Variants in STRIP2 observed in about 807,000 individuals in gnomAD.
STRIP2 encodes striatin interacting protein 2.
A neutral mutation model predicts 107.1 loss-of-function variants in STRIP2; 84 were observed. That is an observed-to-expected ratio of 0.78 (90% CI 0.66 to 0.94). The LOEUF is 0.94. Ranked by LOEUF, STRIP2 falls within the 40% of genes least tolerant of loss-of-function variation. The pLI is 0.00. For missense variants in STRIP2, 888 were observed against 1,034.2 expected (o/e 0.86, Z 1.94); for synonymous variants, 394 against 400.4 (o/e 0.98, Z 0.19).
intron 18 of STRIP2, among the ~76,000 whole-genome samples, chr7:129,473,078 C>T (rs1036673562): frequency 3.3e-5 from 5 of 151,856 alleles, no homozygotes; most frequent in East Asian, 3.9e-4. Context: ...TGAGCCACAA[C>T]GAATGGCTAT....
At chr7:129,480,730 G>A in intron 18 of STRIP2, 55 bp from the exon 19 acceptor site, 1 of 1,448,776 alleles carries the variant, frequency 6.9e-7, no homozygotes. Context: ...CCAGGCTTCT[G>A]TGGGAATTAA....
chr7:129,485,763 G>A lies in STRIP2; in HGVS notation c.2439G>A (p.Glu813=), dbSNP rs757746271. 19 of 1,614,126 alleles carry A rather than the reference G, an allele frequency of 1.2e-5. No individual in the cohort carries two copies. In the Admixed American group the frequency reaches 3.0e-4, roughly 25 times the overall value. Residue 813 remains glutamate, a synonymous_variant, in exon 21 of 21, where the codon GAG becomes GAA. Transcript: ENST00000249344. ...CTGAAGATTTCCACTATTCATATGA[G>A]CTCTGGCTCGAGAGAGAGGTGTTTT... is the stretch of plus-strand genomic sequence containing the variant. ...DLPEDFHYSY[E]LWLEREVFSQ...
Position 129,470,708 on chromosome 7 carries a change from A to G in STRIP2, c.1937A>G (p.Glu646Gly). 1.2e-6 allele frequency: 2 copies of G among 1,613,660 alleles called. No homozygotes were observed. The highest frequency in any genetic ancestry group is 1.7e-6 in the Non-Finnish European group (2 of 1,179,594). The change falls in exon 18 of 21, where the codon GAA becomes GGA. Residue 646 changes from glutamate to glycine, a missense_variant. Glu to Gly is a moderately conservative substitution (Grantham distance 98). Coordinates refer to ENST00000249344, the MANE Select transcript of STRIP2 (RefSeq NM_020704.3). ...CAGGATTTGCCGGAGCTTACTACTGAAAGTCTGGTAAGCAGATGGGGATTT... is the reference window on the plus strand; with the variant it reads ...CAGGATTTGCCGGAGCTTACTACTGGAAGTCTGGTAAGCAGATGGGGATTT... Reference protein sequence around the residue: ...TIQDLPELTTESLEAGDNSQF... With the variant: ...TIQDLPELTTGSLEAGDNSQF...
rs529803115 is a variant in STRIP2 at position 129,461,232 on chromosome 7, A to G, written c.1476+860A>G. On this transcript the variant is annotated intron_variant, in intron 13 of 20. Coordinates refer to ENST00000249344, the MANE Select transcript of STRIP2 (RefSeq NM_020704.3). The surrounding 1 kb of genome is among the most constrained non-coding windows in gnomAD (Gnocchi z 4.0). Reference sequence around the variant, plus strand: ...GAATATCAAGAGTTCTGTTTTGGTCATACTAAGTTTTAGATGCCCATTAGA... The same window carrying G: ...GAATATCAAGAGTTCTGTTTTGGTCGTACTAAGTTTTAGATGCCCATTAGA... 6.6e-6 allele frequency among the ~76,000 whole-genome samples: 1 copy of G among 152,340 alleles called. No individual in the cohort carries two copies. The highest frequency in any genetic ancestry group is 2.1e-4 in the South Asian group (1 of 4,830).
At position 129,460,357 on chromosome 7, in the gene STRIP2, G is replaced by C. The variant is rs754883865; in HGVS notation, c.1461G>C (p.Lys487Asn). The part of the protein sequence containing the change: ...VQIKNEEELE[K>N]CPMSLGEEVV... Reference sequence around the variant, plus strand: ...TCAAGAATGAAGAGGAGCTGGAGAAGTGCCCTATGTCTTTGGTGAGCCAAG... The same window carrying C: ...TCAAGAATGAAGAGGAGCTGGAGAACTGCCCTATGTCTTTGGTGAGCCAAG... Residue 487 changes from lysine to asparagine, a missense_variant, in exon 13 of 21, where the codon AAG becomes AAC. Transcript: ENST00000249344. 1.9e-6 allele frequency: 3 copies of C among 1,613,890 alleles called. No homozygotes were observed. Among genetic ancestry groups the C allele is most frequent in the Middle Eastern group, 1.7e-4 (1 of 6,060 alleles).
intron 19 of STRIP2, among the ~76,000 whole-genome samples, chr7:129,481,390 G>A (rs1476513821): frequency 1.3e-5 from 2 of 151,998 alleles, no homozygotes; most frequent in East Asian, 1.9e-4. Flanking sequence ...CCAGCTACTC[G>A]GGAGGCTGAG....
chr7:129,447,607 G>A (rs1798071748), intron 3 of STRIP2, among the ~76,000 whole-genome samples: 1 of 152,234 alleles, frequency 6.6e-6, no homozygotes, highest in Non-Finnish European at 1.5e-5. Flanking sequence ...CTCAAAGCCA[G>A]AGAATAGATA....
intron 3 of STRIP2, among the ~76,000 whole-genome samples, chr7:129,450,709 A>G (rs188677613): frequency 0.01 from 1,553 of 152,286 alleles, 16 homozygotes; most frequent in Non-Finnish European, 0.015. Flanking sequence ...CAGCCTCCCA[A>G]GTAGCTAGGA....
At position 129,467,400 on chromosome 7, in the gene STRIP2, C is replaced by A; in HGVS notation, c.1827C>A (p.Ile609=). The change falls in exon 17 of 21, where the codon ATC becomes ATA. Residue 609 remains isoleucine (I), a synonymous_variant. Coordinates refer to ENST00000249344, the MANE Select transcript of STRIP2 (RefSeq NM_020704.3). The part of the protein sequence containing the change: ...HLVFANCIPL[I]LKFFNQNILS... ...TATTTGCCAACTGCATCCCCTTGAT[C>A]CTGAAGTTCTTCAATCAAAATATCT... 6.2e-7 allele frequency: 1 copy of A among 1,613,730 alleles called. No individual in the cohort carries two copies. Among genetic ancestry groups the A allele is most frequent in the Non-Finnish European group, 8.5e-7 (1 of 1,179,852 alleles).
intron 13 of STRIP2, 28 bp downstream of exon 13, chr7:129,460,400 G>C: frequency 1.9e-6 from 3 of 1,593,210 alleles, no homozygotes; most frequent in Non-Finnish European, 1.7e-6. Flanking sequence ...TACACAGGAG[G>C]AGAGTAGAAG....
At position 129,454,389 on chromosome 7, in the gene STRIP2, G is replaced by A. The variant is rs1192819442; in HGVS notation, c.600-32G>A. On this transcript the variant is annotated intron_variant, in intron 6 of 20. Coordinates refer to ENST00000249344, the MANE Select transcript of STRIP2 (RefSeq NM_020704.3). ...GTGACTATGGGCTGGGAATTGCCTT[G>A]GGAACCTCTTGTGACTCTTCTGTAA... The A allele has an allele frequency of 3.2e-6, 5 of 1,575,764 alleles. No individual in the cohort carries two copies. In the African/African-American group the frequency reaches 6.7e-5, roughly 21 times the overall value.
chr7:129,435,181 G>C (rs945016620), intron 1 of STRIP2, among the ~76,000 whole-genome samples: 1 of 152,228 alleles, frequency 6.6e-6, no homozygotes, highest in Non-Finnish European at 1.5e-5. Context: ...TGTGAGGGCT[G>C]AGCGAGACGG....
rs766612950 is a variant in STRIP2 at position 129,454,458 on chromosome 7, A to G, written c.637A>G (p.Ile213Val). The G allele has an allele frequency of 1.2e-6, 2 of 1,614,132 alleles. No individual in the cohort carries two copies. Among genetic ancestry groups the G allele is most frequent in the South Asian group, 2.2e-5 (2 of 91,080 alleles). ...LSVMYLMVEN[I>V]RLERETDPCG... ...TGTTATGTACCTAATGGTGGAAAAT[A>G]TTCGCCTGGAGCGAGAGACAGACCC... The change falls in exon 7 of 21, where the codon ATT becomes GTT. Residue 213 changes from isoleucine to valine, a missense_variant. Ile to Val is a conservative substitution (Grantham distance 29, BLOSUM62 3). Transcript: ENST00000249344.
chr7:129,484,155 G>A (rs1272219810), intron 20 of STRIP2, among the ~76,000 whole-genome samples: 2 of 152,158 alleles, frequency 1.3e-5, no homozygotes, highest in African/African-American at 4.8e-5. Context: ...TCTTTGTGGT[G>A]TTATCTACTT....
chr7:129,457,280 A>T (rs1458945662), intron 9 of STRIP2, among the ~76,000 whole-genome samples: 1 of 152,236 alleles, frequency 6.6e-6, no homozygotes, highest in Non-Finnish European at 1.5e-5. Context: ...TATTGTTCCT[A>T]GACTACAAAC....
At chr7:129,480,913 G>A (rs1799100855) in intron 19 of STRIP2, 24 bp downstream of exon 19, 1 of 1,570,534 alleles carries the variant, frequency 6.4e-7, no homozygotes, top group African/African-American at 1.4e-5. Context: ...TTTACATCAT[G>A]GAGTTGTCCA....
In STRIP2 at chr7:129,459,526, T is replaced by A; in HGVS notation, c.1350T>A (p.Asp450Glu). Residue 450 changes from aspartate to glutamate, a missense_variant, in exon 12 of 21, where the codon GAT (aspartate) becomes GAA (glutamate). Physicochemically the swap from Asp to Glu is conservative, Grantham distance 45. Transcript: ENST00000249344. ...FIGFTLGQDT[D>E]TLVGLPRPIH... is the part of the protein sequence containing the mutation. The stretch of plus-strand genomic sequence containing the variant: ...GTCTGGCCTTTTACAGGGACACAGA[T>A]ACATTGGTTGGATTACCCAGGCCCA... 1 of 1,613,960 alleles carries A rather than the reference T, an allele frequency of 6.2e-7. No individual in the cohort carries two copies. The highest frequency in any genetic ancestry group is 1.7e-5 in the Admixed American group (1 of 60,016).
In STRIP2 at chr7:129,458,723, T is replaced by C. The variant is rs763904409; in HGVS notation, c.1286T>C (p.Ile429Thr). Residue 429 changes from isoleucine to threonine, a missense_variant, in exon 11 of 21, where the codon ATT becomes ACT. Transcript: ENST00000249344. This position sits in a 1 kb window ranked among gnomAD's most constrained non-coding sequence, Gnocchi z 4.6. Reference sequence around the variant, plus strand: ...CACCATCCTCTCAGACAGAAGGACATTGAGCACTTCTTGGAGATGAGCAGG... The same window carrying C: ...CACCATCCTCTCAGACAGAAGGACACTGAGCACTTCTTGGAGATGAGCAGG... ...PWAPKVRQKD[I>T]EHFLEMSRNK... The C allele has an allele frequency of 1.2e-6, 2 of 1,614,182 alleles. No homozygotes were observed. Among genetic ancestry groups the C allele is most frequent in the East Asian group, 2.2e-5 (1 of 44,882 alleles).
At chr7:129,454,778 T>C (rs556981355) in intron 7 of STRIP2, among the ~76,000 whole-genome samples, 1 of 152,292 alleles carries the variant, frequency 6.6e-6, no homozygotes, top group South Asian at 2.1e-4. Context: ...TAAGTGGGGA[T>C]AGCCATTCCT....
Sources: gnomAD v4.1 joint callset for allele counts (sites outside exome capture counted in the v4.1 genomes callset) on GRCh38, gnomAD v4.1.1 for gene constraint, Gnocchi (gnomAD v3.1) non-coding constraint, MANE v1.5 for transcripts, NCBI Gene and HGNC (gene_info 2026-07-23, HGNC 2026-07-21) for gene names.